The following TP73 variants were observed in gnomAD, a reference collection of about 807,000 sequenced individuals.
The protein encoded by TP73 is p53-like transcription factor.
In TP73, 25 loss-of-function variants were observed where a neutral mutation model predicts 62.5. The ratio of observed to expected loss-of-function variants is 0.40; its 90% CI spans 0.29 to 0.56. The LOEUF is 0.56. TP73 is among the 20% of genes least tolerant of loss of function. The pLI is 0.46. For missense variants in TP73, 754 were observed against 913.3 expected (o/e 0.83, Z 2.25); for synonymous variants, 423 against 377.5 (o/e 1.12, Z -1.40).
intron 10 of TP73, 169 bp downstream of exon 10, chr1:3,729,617 T>A: frequency 7.7e-7 from 1 of 1,296,194 alleles, no homozygotes; most frequent in Non-Finnish European, 1.1e-6. Flanking sequence ...GGAAGCCTTC[T>A]AGCACTTGGG....
chr1:3,666,335 GAGAC>G lies in TP73; in HGVS notation c.-34+13697_-34+13700del, dbSNP rs1017451459. Reference sequence around the variant, plus strand: ...TTAGTTTTGTTGTTTCTTGCTTTTAGAGACAGGGTCTTGCTATGTATCCCACACT... The same window carrying G: ...TTAGTTTTGTTGTTTCTTGCTTTTAGAGGGTCTTGCTATGTATCCCACACT... On this transcript the variant is annotated intron_variant, in intron 1 of 13. Transcript: ENST00000378295. The surrounding 1 kb of genome is among the most constrained non-coding windows in gnomAD (Gnocchi z 6.4). Among the ~76,000 whole-genome samples, 2 of 152,144 alleles carry G rather than the reference GAGAC, an allele frequency of 1.3e-5. No individual in the cohort carries two copies. The highest frequency in any genetic ancestry group is 4.8e-5 in the African/African-American group (2 of 41,430).
rs1164226200 is a variant in TP73, at chr1:3,672,809, C to T, written c.-33-9524C>T. On this transcript the variant is annotated intron_variant, in intron 1 of 13. Coordinates refer to ENST00000378295, the MANE Select transcript of TP73 (RefSeq NM_005427.4). This position sits in a 1 kb window ranked among gnomAD's most constrained non-coding sequence, Gnocchi z 5.3. The stretch of plus-strand genomic sequence containing the variant: ...CCCTCCTGCCGCCAACCTCGTCCCC[C>T]CAAGGGCCATGTCCCTGCCCACCCC... Among the ~76,000 whole-genome samples the T allele has an allele frequency of 6.6e-6, 1 of 152,186 alleles. No individual in the cohort carries two copies.
At chr1:3,676,607 C>T (rs1244875290) in intron 1 of TP73, among the ~76,000 whole-genome samples, 3 of 151,916 alleles carry the variant, frequency 2.0e-5, no homozygotes, top group Admixed American at 2.0e-4. Context: ...GCTGCGGACT[C>T]CTCCCCACAG....
chr1:3,696,956 C>T lies in TP73; in HGVS notation c.187-10593C>T, dbSNP rs924044396. ...TGTTCTGTCCCCCATTGGACCTCCCCCCAGTCACCAGCCTAATAGGACCTC... is the reference window on the plus strand; with the variant it reads ...TGTTCTGTCCCCCATTGGACCTCCCTCCAGTCACCAGCCTAATAGGACCTC... On this transcript the variant is annotated intron_variant, in intron 3 of 13. Transcript: ENST00000378295. This position sits in a 1 kb window ranked among gnomAD's most constrained non-coding sequence, Gnocchi z 4.1. Among the ~76,000 whole-genome samples the T allele has an allele frequency of 4.6e-5, 7 of 152,194 alleles. No individual in the cohort carries two copies. Among genetic ancestry groups the T allele is most frequent in the Non-Finnish European group, 8.8e-5 (6 of 68,026 alleles).
At chr1:3,679,502 C>G (rs867126857) in intron 1 of TP73, among the ~76,000 whole-genome samples, 2 of 149,530 alleles carry the variant, frequency 1.3e-5, no homozygotes, top group Non-Finnish European at 3.0e-5. Context: ...TGTCTCTCTC[C>G]CTGTCTCTCT....
intron 1 of TP73, among the ~76,000 whole-genome samples, chr1:3,654,863 C>T (rs1364221507): frequency 6.6e-6 from 1 of 152,230 alleles, no homozygotes; most frequent in Non-Finnish European, 1.5e-5. Flanking sequence ...ATGCCCCACC[C>T]AGGTCCAAGA....
Position 3,662,932 on chromosome 1 carries a change from A to G in TP73, c.-34+10291A>G, listed in dbSNP as rs1481126773. Among the ~76,000 whole-genome samples, 1 of 152,354 alleles carries G rather than the reference A, an allele frequency of 6.6e-6. No homozygotes were observed. The highest frequency in any genetic ancestry group is 1.5e-5 in the Non-Finnish European group (1 of 68,038). ...TCAGAGAAAAACGAAATTCTCTTTTATAAGAGAAACTTGTCTCTGGTCCCA... is the reference window on the plus strand; with the variant it reads ...TCAGAGAAAAACGAAATTCTCTTTTGTAAGAGAAACTTGTCTCTGGTCCCA... On this transcript the variant is annotated intron_variant, in intron 1 of 13. Coordinates refer to ENST00000378295, the MANE Select transcript of TP73 (RefSeq NM_005427.4). The surrounding 1 kb of genome is among the most constrained non-coding windows in gnomAD (Gnocchi z 4.4).
intron 13 of TP73, 130 bp from the exon 14 acceptor site, chr1:3,732,617 G>A (rs558380244): frequency 7.3e-5 from 58 of 799,618 alleles, no homozygotes; most frequent in Middle Eastern, 3.7e-4. Flanking sequence ...CCCCTCCCCC[G>A]TCTCCTGCCT....
intron 3 of TP73, among the ~76,000 whole-genome samples, chr1:3,698,377 T>C (rs1638853925): frequency 6.6e-6 from 1 of 152,210 alleles, no homozygotes; most frequent in Non-Finnish European, 1.5e-5. Flanking sequence ...CTGTGCATCC[T>C]GTTGGCCACC....
At chr1:3,680,313 C>T (rs1178013371) in intron 1 of TP73, among the ~76,000 whole-genome samples, 3 of 152,192 alleles carry the variant, frequency 2.0e-5, no homozygotes, top group African/African-American at 7.2e-5. Flanking sequence ...TGATGGGCGT[C>T]TGGGCTATGT....
rs1642331236 is a variant in TP73, at chr1:3,734,106, T to C, written c.*1027T>C. 6.6e-6 allele frequency: 1 copy of C among 152,138 alleles called. No homozygotes were observed. The highest frequency in any genetic ancestry group is 1.5e-5 in the Non-Finnish European group (1 of 68,062). 9.4% of individuals were successfully genotyped at this position (152,138 alleles called of 1,614,324 possible). A position where few individuals can be genotyped will look rare whatever the true frequency, so the allele number is the denominator to read the frequency against. On this transcript the variant is annotated 3_prime_UTR_variant, in exon 14 of 14. Transcript: ENST00000378295. The surrounding 1 kb of genome is among the most constrained non-coding windows in gnomAD (Gnocchi z 4.4). ...GCAAATCCAGGCAAATCTGCAGGAA[T>C]GCTCTGCCATGGGAGCAGCTCCTCC...
At chr1:3,685,045 G>A (rs1275066309) in intron 3 of TP73, among the ~76,000 whole-genome samples, 1 of 152,256 alleles carries the variant, frequency 6.6e-6, no homozygotes, top group South Asian at 2.1e-4. Flanking sequence ...CTGGCCGCTG[G>A]ACCCCAGGGA....
chr1:3,681,853 C>T (rs1885874), intron 1 of TP73, among the ~76,000 whole-genome samples: 1 of 151,676 alleles, frequency 6.6e-6, no homozygotes, highest in Non-Finnish European at 1.5e-5. Flanking sequence ...CACAGGGGAT[C>T]GTAACAGACC....
intron 4 of TP73, among the ~76,000 whole-genome samples, chr1:3,720,645 C>T (rs1170584438): frequency 6.6e-6 from 1 of 152,262 alleles, no homozygotes; most frequent in Non-Finnish European, 1.5e-5. Flanking sequence ...CAGCCTCCGT[C>T]AGCTCCATCT....
chr1:3,707,960 G>A (rs192634578), intron 4 of TP73, 169 bp downstream of exon 4: 61 of 1,144,416 alleles, frequency 5.3e-5, no homozygotes, highest in East Asian at 3.4e-4. Flanking sequence ...TCTCAGGGCC[G>A]GGCAGTCTGG....
intron 3 of TP73, among the ~76,000 whole-genome samples, chr1:3,706,172 C>T (rs1639610495): frequency 2.0e-5 from 3 of 152,246 alleles, no homozygotes; most frequent in South Asian, 2.1e-4. Flanking sequence ...TCCCAGTTCA[C>T]GGTCTGGGGG....
intron 1 of TP73, among the ~76,000 whole-genome samples, chr1:3,676,302 G>T (rs1412717099): frequency 2.8e-5 from 4 of 140,368 alleles, no homozygotes; most frequent in Non-Finnish European, 4.6e-5. Flanking sequence ...GGAGGGGACA[G>T]AGAAACAGGA....
At chr1:3,729,173 AAAG>A (rs140714850) in intron 9 of TP73, among the ~76,000 whole-genome samples, 151 bp from the exon 10 acceptor site, 2,945 of 152,288 alleles carry the variant, frequency 0.019, 103 homozygotes, top group African/African-American at 0.067. Context: ...TGGGAAGAGG[AAAG>A]AAGATCAGGG....
At position 3,735,021 on chromosome 1, in the gene TP73, C is replaced by T. The variant is rs897478653; in HGVS notation, c.*1942C>T. 1 of 152,366 alleles carries T rather than the reference C, an allele frequency of 6.6e-6. No individual in the cohort carries two copies. Among genetic ancestry groups the T allele is most frequent in the African/African-American group, 2.4e-5 (1 of 41,446 alleles). 9.4% of individuals were successfully genotyped at this position (152,366 alleles called of 1,614,324 possible). On this transcript the variant is annotated 3_prime_UTR_variant, in exon 14 of 14. Transcript: ENST00000378295. ...TCAGTAGCGGCAGCAGCAGCAGACT[C>T]GGGGCTTTCCCAGGGTGGCGCAGCC...
Sources: allele counts gnomAD v4.1 joint callset (sites outside exome capture counted in the v4.1 genomes callset), GRCh38; gene constraint gnomAD v4.1.1; non-coding constraint Gnocchi (gnomAD v3.1); transcripts MANE v1.5; gene names NCBI Gene and HGNC (gene_info 2026-07-23, HGNC 2026-07-21).